NMNAT2: variants seen among roughly 807,000 people sequenced by gnomAD.
NMNAT2 encodes nicotinamide nucleotide adenylyltransferase 2.
NMNAT2 carries 11 observed loss-of-function variants against 41.6 expected under a neutral mutation model. That is an observed-to-expected ratio of 0.26 (90% CI 0.17 to 0.44). The LOEUF is 0.44. Among genes scored for constraint, NMNAT2 ranks in the 20% least tolerant of loss-of-function variants. The pLI, the probability that NMNAT2 is intolerant of heterozygous loss-of-function variation, is 1.00. For missense variants in NMNAT2, 288 were observed against 407.7 expected (o/e 0.71, Z 2.53); for synonymous variants, 148 against 151.2 (o/e 0.98, Z 0.16).
intron 10 of NMNAT2, among the ~76,000 whole-genome samples, chr1:183,258,493 T>TTAGTTTA (rs1354764030): frequency 1.3e-5 from 2 of 152,002 alleles, no homozygotes; most frequent in African/African-American, 4.8e-5. Flanking sequence ...CAGGAGAAAC[T>TTAGTTTA]TAGTTTATAG....
At chr1:183,375,129 G>A (rs991241734) in intron 1 of NMNAT2, among the ~76,000 whole-genome samples, 3 of 152,056 alleles carry the variant, frequency 2.0e-5, no homozygotes, top group Non-Finnish European at 2.9e-5. Flanking sequence ...TACCCCCATC[G>A]GCTTTGTCTC....
intron 1 of NMNAT2, among the ~76,000 whole-genome samples, chr1:183,409,175 TG>T (rs1233958722): frequency 6.6e-6 from 1 of 152,172 alleles, no homozygotes; most frequent in Non-Finnish European, 1.5e-5. Flanking sequence ...GGCAACAAAG[TG>T]AGACCATGTC....
chr1:183,362,434 T>C (rs1275929810), intron 1 of NMNAT2, among the ~76,000 whole-genome samples: 2 of 152,210 alleles, frequency 1.3e-5, no homozygotes, highest in African/African-American at 2.4e-5. Context: ...CACCGCCCCC[T>C]GGCCCTGCAG....
chr1:183,389,812 GAAAGAAAGAAAGAAAGAAAGAAAGAAA>G (rs1648402936), intron 1 of NMNAT2, among the ~76,000 whole-genome samples: 1 of 60,678 alleles, frequency 1.6e-5, no homozygotes, highest in African/African-American at 5.5e-5. Context: ...AAGAAAGAAA[GAAAGAAAGAAAGAAAGAAAGAAAGAAA>G]GAAAGGAAAA....
At chr1:183,264,251 T>C (rs1660745622) in intron 8 of NMNAT2, among the ~76,000 whole-genome samples, 1 of 152,112 alleles carries the variant, frequency 6.6e-6, no homozygotes, top group Admixed American at 6.5e-5. Context: ...TGGCTCAGAA[T>C]AGCAGTCCTC....
At chr1:183,393,734 T>C (rs1648552038) in intron 1 of NMNAT2, among the ~76,000 whole-genome samples, 1 of 152,148 alleles carries the variant, frequency 6.6e-6, no homozygotes, top group South Asian at 2.1e-4. Context: ...TTTTGTATTT[T>C]TGGTAAAGAC....
chr1:183,277,525 A>C (rs1293338439), intron 8 of NMNAT2, among the ~76,000 whole-genome samples: 1 of 151,514 alleles, frequency 6.6e-6, no homozygotes, highest in African/African-American at 2.4e-5. Flanking sequence ...AAAAAAAAAA[A>C]AAAAAAAAAA....
intron 1 of NMNAT2, among the ~76,000 whole-genome samples, chr1:183,324,611 C>G (rs1251229663): frequency 6.6e-6 from 1 of 152,178 alleles, no homozygotes; most frequent in African/African-American, 2.4e-5. Context: ...GTTCCTCTGA[C>G]ACTCTGAGCC....
chr1:183,402,365 G>A (rs1054278653), intron 1 of NMNAT2, among the ~76,000 whole-genome samples: 2 of 152,156 alleles, frequency 1.3e-5, no homozygotes, highest in Non-Finnish European at 2.9e-5. Flanking sequence ...AAAATAATAA[G>A]ACCATCTTGA....
At chr1:183,282,081 G>A (rs1169082886) in intron 7 of NMNAT2, among the ~76,000 whole-genome samples, 2 of 152,228 alleles carry the variant, frequency 1.3e-5, no homozygotes, top group African/African-American at 4.8e-5. Flanking sequence ...ACCATGCCAG[G>A]ACCTGAGCCC....
chr1:183,274,973 G>C (rs556826340), intron 8 of NMNAT2, among the ~76,000 whole-genome samples: 1 of 152,060 alleles, frequency 6.6e-6, no homozygotes, highest in Non-Finnish European at 1.5e-5. Context: ...AAACCTCAGA[G>C]GAGAACGGGC....
intron 1 of NMNAT2, among the ~76,000 whole-genome samples, chr1:183,323,369 C>T (rs796850191): frequency 7.9e-5 from 12 of 152,286 alleles, no homozygotes; most frequent in African/African-American, 2.9e-4. Flanking sequence ...TCACCCTTCA[C>T]CCTCATATCC....
intron 1 of NMNAT2, among the ~76,000 whole-genome samples, chr1:183,320,300 T>C (rs776549978): frequency 1.4e-4 from 21 of 152,174 alleles, no homozygotes; most frequent in Non-Finnish European, 2.4e-4. Flanking sequence ...TTGAGAGATT[T>C]TGGCAGAGAT....
At chr1:183,257,543 C>T (rs1393801904) in intron 10 of NMNAT2, among the ~76,000 whole-genome samples, 1 of 152,184 alleles carries the variant, frequency 6.6e-6, no homozygotes, top group Non-Finnish European at 1.5e-5. Context: ...TTTTTAATTA[C>T]TACTTCAATC....
At chr1:183,295,597 A>G (rs1661668339) in intron 1 of NMNAT2, among the ~76,000 whole-genome samples, 1 of 152,136 alleles carries the variant, frequency 6.6e-6, no homozygotes, top group African/African-American at 2.4e-5. Context: ...GGGTTTTGAC[A>G]ATTGTATCCT....
At chr1:183,393,527 C>T (rs1648543340) in intron 1 of NMNAT2, among the ~76,000 whole-genome samples, 1 of 151,898 alleles carries the variant, frequency 6.6e-6, no homozygotes, top group African/African-American at 2.4e-5. Flanking sequence ...TGAATACTGA[C>T]AGAATCTGGA....
intron 1 of NMNAT2, among the ~76,000 whole-genome samples, chr1:183,379,342 A>G (rs571919457): frequency 6.6e-6 from 1 of 151,920 alleles, no homozygotes; most frequent in South Asian, 2.1e-4. Flanking sequence ...CATCTTGCCC[A>G]TCTAATTATT....
chr1:183,315,528 A>G (rs1662227599), intron 1 of NMNAT2, among the ~76,000 whole-genome samples: 1 of 152,168 alleles, frequency 6.6e-6, no homozygotes, highest in Non-Finnish European at 1.5e-5. Flanking sequence ...TACTTTTAAA[A>G]TATGAGTAGC....
chr1:183,393,025 G>C (rs1223726677), intron 1 of NMNAT2, among the ~76,000 whole-genome samples: 2 of 152,086 alleles, frequency 1.3e-5, no homozygotes, highest in Non-Finnish European at 2.9e-5. Context: ...CTCTGTGACT[G>C]TCTTAACATA....
Sources: allele counts gnomAD v4.1 joint callset (sites outside exome capture counted in the v4.1 genomes callset), GRCh38; gene constraint gnomAD v4.1.1; transcripts MANE v1.5; gene names NCBI Gene and HGNC (gene_info 2026-07-23, HGNC 2026-07-21).